Variants in SGCZ observed in about 807,000 individuals in gnomAD.
The protein encoded by SGCZ is sarcoglycan zeta, also known as zeta-sarcoglycan.
Under a neutral mutation model 41.3 loss-of-function variants are expected in SGCZ, and 40 were observed. The ratio of observed to expected loss-of-function variants is 0.97; its 90% CI spans 0.75 to 1.26. SGCZ has a LOEUF of 1.26. Among genes scored for constraint, SGCZ ranks in the 50% most tolerant of loss-of-function variants. The pLI, the probability that SGCZ is intolerant of heterozygous loss-of-function variation, is 0.00. For synonymous variants in SGCZ, 206 were observed against 137.5 expected (o/e 1.50, Z -3.49); for missense variants, 552 against 369.8 (o/e 1.49, Z -4.04).
At chr8:14,778,043 C>T (rs1351199944) in intron 1 of SGCZ, among the ~76,000 whole-genome samples, 1 of 152,074 alleles carries the variant, frequency 6.6e-6, no homozygotes, top group Non-Finnish European at 1.5e-5. Flanking sequence ...CCCACCTTAG[C>T]CTCCCTAGTA....
chr8:14,956,606 A>G lies in SGCZ; in HGVS notation c.39+280979T>C, dbSNP rs565654053. ...AAAACACAAAGTAACACAATAACAA[A>G]ATCACAAAAAGTACCAAAAGCACAC... On this transcript the variant is annotated intron_variant, in intron 1 of 7. Coordinates refer to ENST00000382080, the MANE Select transcript of SGCZ (RefSeq NM_139167.4). Among the ~76,000 whole-genome samples the G allele has an allele frequency of 1.1e-3, 174 of 152,260 alleles. 2 individuals carry two copies. The highest frequency in any genetic ancestry group is 3.4e-3 in the Middle Eastern group (1 of 294).
At chr8:14,371,236 C>T (rs1185001057) in intron 2 of SGCZ, among the ~76,000 whole-genome samples, 1 of 151,918 alleles carries the variant, frequency 6.6e-6, no homozygotes, top group African/African-American at 2.4e-5. Flanking sequence ...TTTGCCATAA[C>T]ATTCTTATGG....
chr8:14,519,743 G>A (rs906559408), intron 2 of SGCZ, among the ~76,000 whole-genome samples: 1 of 151,856 alleles, frequency 6.6e-6, no homozygotes, highest in African/African-American at 2.4e-5. Context: ...TTCAAGTTTT[G>A]CATAGAATAT....
rs1397292 is a variant in SGCZ, at chr8:14,647,645, A to T, written c.40-92719T>A. ...TTAATATTAAAACATAGAATAAATT[A>T]GTTTGTTCATTCTAAATGTGTCATT... On this transcript the variant is annotated intron_variant, in intron 1 of 7. Coordinates refer to ENST00000382080, the MANE Select transcript of SGCZ (RefSeq NM_139167.4). Among the ~76,000 whole-genome samples the T allele has an allele frequency of 9.2e-5, 14 of 151,890 alleles. No individual in the cohort carries two copies. The South Asian group carries it at 1.2e-3, about 13-fold the overall frequency.
At chr8:14,778,331 G>C (rs1055100982) in intron 1 of SGCZ, among the ~76,000 whole-genome samples, 4 of 152,128 alleles carry the variant, frequency 2.6e-5, no homozygotes, top group East Asian at 3.9e-4. Flanking sequence ...TTTCTCAAGA[G>C]AGGACACTGG....
chr8:14,779,751 G>C (rs1238897361), intron 1 of SGCZ, among the ~76,000 whole-genome samples: 1 of 152,134 alleles, frequency 6.6e-6, no homozygotes, highest in Non-Finnish European at 1.5e-5. Context: ...TGAAGCAAAA[G>C]GGATTCAACA....
At chr8:15,001,309 T>G (rs543015981) in intron 1 of SGCZ, among the ~76,000 whole-genome samples, 6 of 152,344 alleles carry the variant, frequency 3.9e-5, no homozygotes, top group Non-Finnish European at 7.3e-5. Context: ...CTCATCTTTC[T>G]GCGGCTGTTG....
At chr8:14,712,188 T>A (rs1809541219) in intron 1 of SGCZ, among the ~76,000 whole-genome samples, 1 of 152,028 alleles carries the variant, frequency 6.6e-6, no homozygotes, top group African/African-American at 2.4e-5. Flanking sequence ...CATTTCACTT[T>A]AATTAAGTAT....
chr8:15,156,605 A>G (rs1236379879), intron 1 of SGCZ, among the ~76,000 whole-genome samples: 1 of 152,200 alleles, frequency 6.6e-6, no homozygotes, highest in Non-Finnish European at 1.5e-5. Flanking sequence ...GTTGAAAGAC[A>G]TTTCCTCAAA....
intron 2 of SGCZ, among the ~76,000 whole-genome samples, chr8:14,389,301 T>C (rs1408072424): frequency 6.6e-6 from 1 of 151,746 alleles, no homozygotes; most frequent in Admixed American, 6.6e-5. Flanking sequence ...AGAAAAGTAA[T>C]ATTTTATCAA....
At chr8:14,966,884 A>G (rs531081658) in intron 1 of SGCZ, among the ~76,000 whole-genome samples, 8 of 152,124 alleles carry the variant, frequency 5.3e-5, no homozygotes, top group Non-Finnish European at 1.2e-4. Flanking sequence ...TTAAACTACA[A>G]TTGAGGTCAA....
At chr8:14,356,307 G>A (rs140012597) in intron 2 of SGCZ, among the ~76,000 whole-genome samples, 128 of 152,284 alleles carry the variant, frequency 8.4e-4, no homozygotes, top group Non-Finnish European at 1.3e-3. Flanking sequence ...AAGAGCCTCT[G>A]TGTATCAGTT....
chr8:14,102,421 CT>C lies in SGCZ; in HGVS notation c.698del (p.Lys233ArgfsTer19). 2 of 1,533,954 alleles carry C rather than the reference CT, an allele frequency of 1.3e-6. No homozygotes were observed. Among genetic ancestry groups the C allele is most frequent in the Non-Finnish European group, 1.8e-6 (2 of 1,129,500 alleles). The stretch of plus-strand genomic sequence containing the variant: ...GATGGAGCTCCTTCCTGCAGGTGGC[CT>C]TGAAGTCTCCTGCAGCAGCACTCAC... ...VQVSAAAGDF[K>X]ATCRKELHLQ... On this transcript the variant is annotated frameshift_variant, in exon 7 of 8. Coordinates refer to ENST00000382080, the MANE Select transcript of SGCZ (RefSeq NM_139167.4). LOFTEE classifies it high-confidence loss of function.
At chr8:14,492,860 T>C (rs1346155406) in intron 2 of SGCZ, among the ~76,000 whole-genome samples, 1 of 152,202 alleles carries the variant, frequency 6.6e-6, no homozygotes, top group East Asian at 1.9e-4. Flanking sequence ...GACATCTCAG[T>C]GTAATTCTTG....
intron 2 of SGCZ, among the ~76,000 whole-genome samples, chr8:14,391,441 T>G (rs1360113747): frequency 6.6e-6 from 1 of 152,162 alleles, no homozygotes; most frequent in African/African-American, 2.4e-5. Flanking sequence ...AGATTCCATA[T>G]GTATCAAAAA....
In SGCZ at chr8:15,231,822, G is replaced by A. The variant is rs761159418; in HGVS notation, c.39+5763C>T. ...TTTTTAGTAGAAACAGGGTTTCACC[G>A]TGTTGGCCAGGCTGGTCTTGAACTC... On this transcript the variant is annotated intron_variant, in intron 1 of 7. Transcript: ENST00000382080. Among the ~76,000 whole-genome samples, 80 of 151,888 alleles carry A rather than the reference G, an allele frequency of 5.3e-4. 2 individuals are homozygous for A. The highest frequency in any genetic ancestry group is 2.4e-3 in the Admixed American group (37 of 15,244).
chr8:14,184,840 G>A lies in SGCZ; in HGVS notation c.425-20138C>T, dbSNP rs1344769550. On this transcript the variant is annotated intron_variant, in intron 4 of 7. Transcript: ENST00000382080. Reference sequence around the variant, plus strand: ...AGAGCAAATTTTGTTTAACAAAAGTGCCCCTCTAACTTAAAACTATACCAG... The same window carrying A: ...AGAGCAAATTTTGTTTAACAAAAGTACCCCTCTAACTTAAAACTATACCAG... Among the ~76,000 whole-genome samples the A allele has an allele frequency of 3.3e-5, 5 of 152,218 alleles. No homozygotes were observed. The East Asian group carries it at 9.7e-4, about 29-fold the overall frequency.
intron 1 of SGCZ, among the ~76,000 whole-genome samples, chr8:14,652,857 G>T (rs569142899): frequency 2.6e-5 from 4 of 152,106 alleles, no homozygotes; most frequent in Admixed American, 6.6e-5. Flanking sequence ...GGTGGCCATT[G>T]GGTATCATTA....
In SGCZ at chr8:14,324,181, G is replaced by A. The variant is rs1802017587; in HGVS notation, c.258C>T (p.Val86=). The change falls in exon 3 of 8, where the codon GTC becomes GTT. Residue 86 remains valine (V), a synonymous_variant. Coordinates refer to ENST00000382080, the MANE Select transcript of SGCZ (RefSeq NM_139167.4). ...CTTCAAGTCGGATTCCCTTCTTGGT[G>A]ACTCTCAGATTTCCCATACCATCCT... The part of the protein sequence containing the change: ...FTVDGMGNLR[V]TKKGIRLEGI... 1 of 1,612,576 alleles carries A rather than the reference G, an allele frequency of 6.2e-7. No homozygotes were observed. Among genetic ancestry groups the A allele is most frequent in the Non-Finnish European group, 8.5e-7 (1 of 1,179,202 alleles).
Sources: allele counts gnomAD v4.1 joint callset (sites outside exome capture counted in the v4.1 genomes callset), GRCh38; gene constraint gnomAD v4.1.1; transcripts MANE v1.5; gene names NCBI Gene and HGNC (gene_info 2026-07-23, HGNC 2026-07-21).